The following FGF5 variants were observed in gnomAD, a reference collection of about 807,000 sequenced individuals.
FGF5 encodes fibroblast growth factor 5.
Under a neutral mutation model 21.8 loss-of-function variants are expected in FGF5, and 23 were observed. The ratio of observed to expected loss-of-function variants is 1.05; its 90% CI spans 0.76 to 1.49. The LOEUF (loss-of-function observed/expected upper bound fraction) is 1.49. Among genes scored for constraint, FGF5 ranks in the 40% most tolerant of loss-of-function variants. FGF5 has a pLI of 0.00. For missense variants in FGF5, 352 were observed against 332.9 expected (o/e 1.06, Z -0.45); for synonymous variants, 158 against 124.0 (o/e 1.27, Z -1.82).
chr4:80,288,281 A>C lies in FGF5; in HGVS notation c.*1609A>C, dbSNP rs1201594571. The C allele has an allele frequency of 2.6e-5, 4 of 152,212 alleles. No individual in the cohort carries two copies. Among genetic ancestry groups the C allele is most frequent in the African/African-American group, 9.6e-5 (4 of 41,472 alleles). 9.4% of individuals were successfully genotyped at this position (152,212 alleles called of 1,614,324 possible). A position where few individuals can be genotyped will look rare whatever the true frequency, so the allele number is the denominator to read the frequency against. Reference sequence around the variant, plus strand: ...CCAAAATTGAACTAGCTACCATATAAGCAGATTGCTTTAATTTGATGGGAA... The same window carrying C: ...CCAAAATTGAACTAGCTACCATATACGCAGATTGCTTTAATTTGATGGGAA... On this transcript the variant is annotated 3_prime_UTR_variant, in exon 3 of 3. Transcript: ENST00000312465.
At chr4:80,270,634 C>A (rs1293851431) in intron 1 of FGF5, among the ~76,000 whole-genome samples, 1 of 152,118 alleles carries the variant, frequency 6.6e-6, no homozygotes, top group South Asian at 2.1e-4. Flanking sequence ...TGCATGGAAA[C>A]AAATGGTTTG....
rs1427467889 is a variant in FGF5, at chr4:80,289,620, T to C, written c.*2948T>C. 6.6e-6 allele frequency: 1 copy of C among 152,126 alleles called. No individual in the cohort carries two copies. Among genetic ancestry groups the C allele is most frequent in the East Asian group, 1.9e-4 (1 of 5,192 alleles). 9.4% of individuals were successfully genotyped at this position (152,126 alleles called of 1,614,324 possible). ...ATTATGTTTAATTATTTAAGATTTCTTTATGTGGAACATCTATAGAGATAA... is the reference window on the plus strand; with the variant it reads ...ATTATGTTTAATTATTTAAGATTTCCTTATGTGGAACATCTATAGAGATAA... On this transcript the variant is annotated 3_prime_UTR_variant, in exon 3 of 3. Coordinates refer to ENST00000312465, the MANE Select transcript of FGF5 (RefSeq NM_004464.4).
intron 2 of FGF5, among the ~76,000 whole-genome samples, chr4:80,281,906 A>G (rs916865462): frequency 6.6e-6 from 1 of 152,106 alleles, no homozygotes; most frequent in Admixed American, 6.6e-5. Flanking sequence ...TGTTGTTTAA[A>G]ATTGATCCTT....
intron 1 of FGF5, among the ~76,000 whole-genome samples, chr4:80,271,633 T>C (rs1028999010): frequency 2.6e-5 from 4 of 152,226 alleles, no homozygotes; most frequent in African/African-American, 9.6e-5. Context: ...AGAGAGGTAG[T>C]GAGAGGATCA....
chr4:80,266,853 T>C lies in FGF5; in HGVS notation c.29T>C (p.Phe10Ser). 6.2e-7 allele frequency: 1 copy of C among 1,604,480 alleles called. No homozygotes were observed. Among genetic ancestry groups the C allele is most frequent in the South Asian group, 1.1e-5 (1 of 89,662 alleles). ...AGCTTGTCCTTCCTCCTCCTCCTCT[T>C]CTTCAGCCACCTGATCCTCAGCGCC... MSLSFLLLL[F>S]FSHLILSAWA... The change falls in exon 1 of 3, where the codon TTC becomes TCC. Residue 10 changes from phenylalanine (F) to serine (S), a missense_variant. Phe to Ser is a radical substitution (Grantham distance 155). Coordinates refer to ENST00000312465, the MANE Select transcript of FGF5 (RefSeq NM_004464.4).
chr4:80,271,794 T>A (rs35206152), intron 1 of FGF5, among the ~76,000 whole-genome samples: 4,671 of 152,264 alleles, frequency 0.031, 104 homozygotes, highest in Middle Eastern at 0.075. Context: ...TGACTCCCGA[T>A]GATAAAGGTC....
At chr4:80,285,551 T>C (rs1720687149) in intron 2 of FGF5, among the ~76,000 whole-genome samples, 1 of 152,194 alleles carries the variant, frequency 6.6e-6, no homozygotes, top group Non-Finnish European at 1.5e-5. Context: ...TTGTACCCTC[T>C]GCATACCGCT....
intron 2 of FGF5, among the ~76,000 whole-genome samples, chr4:80,282,048 C>T (rs908526492): frequency 3.3e-5 from 5 of 152,044 alleles, no homozygotes; most frequent in African/African-American, 1.2e-4. Flanking sequence ...CTGCAACCTC[C>T]GCCCCCTGGG....
At chr4:80,286,261 AT>A in intron 2 of FGF5, 63 bp from the exon 3 acceptor site, 1 of 1,104,362 alleles carries the variant, frequency 9.1e-7, no homozygotes, top group East Asian at 2.4e-5. Context: ...ACAATACCTT[AT>A]GTTTTATTAC....
At chr4:80,270,444 A>G (rs34567576) in intron 1 of FGF5, among the ~76,000 whole-genome samples, 2 of 152,140 alleles carry the variant, frequency 1.3e-5, no homozygotes, top group East Asian at 1.9e-4. Flanking sequence ...ACTTTCAAAC[A>G]TAATTTGTTT....
chr4:80,282,037 A>T (rs1224949943), intron 2 of FGF5, among the ~76,000 whole-genome samples: 4 of 152,052 alleles, frequency 2.6e-5, no homozygotes, highest in African/African-American at 7.2e-5. Context: ...ATCCCAGCTC[A>T]CTGCAACCTC....
chr4:80,285,383 A>C (rs1720682363), intron 2 of FGF5, among the ~76,000 whole-genome samples: 1 of 152,258 alleles, frequency 6.6e-6, no homozygotes, highest in South Asian at 2.1e-4. Context: ...TTCTCCCTGA[A>C]AATCCTTTCT....
intron 1 of FGF5, among the ~76,000 whole-genome samples, chr4:80,272,873 C>T (rs142705552): frequency 6.6e-6 from 1 of 152,210 alleles, no homozygotes; most frequent in African/African-American, 2.4e-5. Flanking sequence ...TTCACAATCA[C>T]ATCCCCCATC....
intron 1 of FGF5, among the ~76,000 whole-genome samples, chr4:80,271,693 A>C (rs1041083098): frequency 6.6e-5 from 10 of 152,162 alleles, no homozygotes; most frequent in Admixed American, 3.3e-4. Flanking sequence ...TACCATCTAC[A>C]AGACAAGCTT....
rs139356908 is a variant in FGF5 at position 80,267,036 on chromosome 4, G to A, written c.212G>A (p.Gly71Glu). Residue 71 changes from glycine to glutamate, a missense_variant, in exon 1 of 3, where the codon GGA becomes GAA. By Grantham distance (98) the Gly-to-Glu change is moderately conservative. Transcript: ENST00000312465. ...SSPAASLGSQ[G>E]SGLEQSSFQW... ...CCCGCAGCTTCTCTGGGCAGCCAAG[G>A]AAGTGGCTTGGAGCAGAGCAGTTTC... 1 of 1,614,246 alleles carries A rather than the reference G, an allele frequency of 6.2e-7. No homozygotes were observed. Among genetic ancestry groups the A allele is most frequent in the East Asian group, 2.2e-5 (1 of 44,884 alleles).
intron 2 of FGF5, among the ~76,000 whole-genome samples, chr4:80,279,223 C>A (rs998149154): frequency 1.5e-4 from 23 of 152,196 alleles, no homozygotes; most frequent in African/African-American, 5.5e-4. Context: ...CTTCATCTTT[C>A]TATTCCTTGG....
chr4:80,278,007 T>G (rs1024794501), intron 2 of FGF5, among the ~76,000 whole-genome samples: 9 of 152,232 alleles, frequency 5.9e-5, no homozygotes, highest in Admixed American at 1.3e-4. Flanking sequence ...AGATGTTAAA[T>G]TATTTTCCCA....
chr4:80,286,258 C>G (rs1457154301), intron 2 of FGF5, 67 bp from the exon 3 acceptor site: 1 of 1,087,350 alleles, frequency 9.2e-7, no homozygotes, highest in East Asian at 2.4e-5. Context: ...TCTACAATAC[C>G]TTATGTTTTA....
At chr4:80,267,261 C>A in intron 1 of FGF5, 82 bp downstream of exon 1, 2 of 1,148,200 alleles carry the variant, frequency 1.7e-6, no homozygotes, top group Non-Finnish European at 2.5e-6. Context: ...CGCCGGGACA[C>A]AGGCTCACCT....
Sources: allele counts gnomAD v4.1 joint callset (sites outside exome capture counted in the v4.1 genomes callset), GRCh38; gene constraint gnomAD v4.1.1; transcripts MANE v1.5; gene names NCBI Gene and HGNC (gene_info 2026-07-23, HGNC 2026-07-21).